ADARB2: variants seen among roughly 807,000 people sequenced by gnomAD.
The protein encoded by ADARB2 is adenosine deaminase RNA specific B2 (inactive), also known as inactive double-stranded RNA-specific editase B2.
Under a neutral mutation model 62.2 loss-of-function variants are expected in ADARB2, and 25 were observed. That is an observed-to-expected ratio of 0.40 (90% CI 0.29 to 0.56). ADARB2 has a LOEUF of 0.56. Ranked by LOEUF, ADARB2 falls within the 20% of genes least tolerant of loss-of-function variation. The pLI, the probability that ADARB2 is intolerant of heterozygous loss-of-function variation, is 0.43. For synonymous variants in ADARB2, 572 were observed against 500.8 expected (o/e 1.14, Z -1.90); for missense variants, 1,071 against 1,077.4 (o/e 0.99, Z 0.08).
At chr10:1,622,797 C>T (rs149134116) in intron 1 of ADARB2, among the ~76,000 whole-genome samples, 65 of 152,262 alleles carry the variant, frequency 4.3e-4, no homozygotes, top group African/African-American at 1.5e-3. Flanking sequence ...CATATACCCG[C>T]CATATAACAG....
chr10:1,339,802 G>A (rs1832006482), intron 3 of ADARB2, among the ~76,000 whole-genome samples: 1 of 152,186 alleles, frequency 6.6e-6, no homozygotes, highest in Non-Finnish European at 1.5e-5. Flanking sequence ...GTGACCAAGT[G>A]CAGACTTTCA....
At chr10:1,299,195 TG>T (rs1333203809) in intron 3 of ADARB2, among the ~76,000 whole-genome samples, 1 of 151,964 alleles carries the variant, frequency 6.6e-6, no homozygotes, top group Non-Finnish European at 1.5e-5. Context: ...CCAGCTAATC[TG>T]GGGAGTCACG....
intron 1 of ADARB2, among the ~76,000 whole-genome samples, chr10:1,439,203 C>T (rs1830870977): frequency 8.1e-6 from 1 of 123,690 alleles, no homozygotes; most frequent in Non-Finnish European, 1.6e-5. Flanking sequence ...GCAGGTTCTT[C>T]ACTATGGGAC....
chr10:1,293,205 AGGGAGGGAGGGAGAGAGGGACG>A lies in ADARB2; in HGVS notation c.1078-22158_1078-22137del, dbSNP rs1184573422. Among the ~76,000 whole-genome samples the A allele has an allele frequency of 8.9e-4, 27 of 30,498 alleles. 1 individual carries two copies. Among genetic ancestry groups the A allele is most frequent in the African/African-American group, 4.4e-3 (26 of 5,970 alleles). The allele number at this position is 30,498 out of a possible 152,430, so 20.0% of individuals were successfully genotyped here. A position where few individuals can be genotyped will look rare whatever the true frequency, so the allele number is the denominator to read the frequency against. Reference sequence around the variant, plus strand: ...AGAGAAAGACAGGAATAGAAAAAAGAGGGAGGGAGGGAGAGAGGGACGGGGAGGGAGAGAGGGACGGGGGGAG... The same window carrying A: ...AGAGAAAGACAGGAATAGAAAAAAGAGGGAGGGAGAGAGGGACGGGGGGAG... On this transcript the variant is annotated intron_variant, in intron 3 of 9. Coordinates refer to ENST00000381312, the MANE Select transcript of ADARB2 (RefSeq NM_018702.4).
chr10:1,222,692 T>C lies in ADARB2; in HGVS notation c.1514-5573A>G, dbSNP rs1296439085. 1.7e-4 allele frequency among the ~76,000 whole-genome samples: 25 copies of C among 149,742 alleles called. 3 individuals are homozygous for C. The highest frequency in any genetic ancestry group is 6.1e-4 in the African/African-American group (24 of 39,156). ...TAGGGAATCCTTTCCCCATTGCTTG[T>C]TTTTGTCAGGTTTGTCAAAGATCAG... On this transcript the variant is annotated intron_variant, in intron 6 of 9. Coordinates refer to ENST00000381312, the MANE Select transcript of ADARB2 (RefSeq NM_018702.4).
At chr10:1,281,641 C>T (rs1831372347) in intron 3 of ADARB2, among the ~76,000 whole-genome samples, 1 of 152,214 alleles carries the variant, frequency 6.6e-6, no homozygotes, top group Non-Finnish European at 1.5e-5. Context: ...GAGACTGTCA[C>T]CCCAGAGTGC....
chr10:1,679,777 T>C (rs1834511692), intron 1 of ADARB2, among the ~76,000 whole-genome samples: 1 of 152,178 alleles, frequency 6.6e-6, no homozygotes, highest in African/African-American at 2.4e-5. Flanking sequence ...TTCCAACGAC[T>C]GGATCGCTTG....
At chr10:1,427,773 A>C (rs546122616) in intron 1 of ADARB2, among the ~76,000 whole-genome samples, 4 of 152,342 alleles carry the variant, frequency 2.6e-5, no homozygotes, top group Non-Finnish European at 4.4e-5. Flanking sequence ...AAAACTGTAC[A>C]TGGATGTTTA....
intron 1 of ADARB2, among the ~76,000 whole-genome samples, chr10:1,678,778 C>A (rs929961619): frequency 6.6e-6 from 1 of 152,000 alleles, no homozygotes; most frequent in African/African-American, 2.4e-5. Flanking sequence ...TTCCACATCT[C>A]GGCTGTTCCA....
chr10:1,726,244 A>T (rs375411384), intron 1 of ADARB2, among the ~76,000 whole-genome samples: 1 of 152,226 alleles, frequency 6.6e-6, no homozygotes, highest in African/African-American at 2.4e-5. Flanking sequence ...CTTAGTGTGT[A>T]TGAGAGAAAA....
chr10:1,343,846 G>A (rs549684393), intron 3 of ADARB2, among the ~76,000 whole-genome samples: 2 of 152,152 alleles, frequency 1.3e-5, no homozygotes, highest in Non-Finnish European at 2.9e-5. Flanking sequence ...ACAAATGGGG[G>A]AGCAACAGAT....
intron 1 of ADARB2, among the ~76,000 whole-genome samples, chr10:1,480,321 A>G (rs758818429): frequency 3.3e-5 from 5 of 152,272 alleles, no homozygotes; most frequent in Non-Finnish European, 7.3e-5. Flanking sequence ...AAATGAATTC[A>G]ACAAAGTTGC....
At chr10:1,540,504 C>T (rs1832405447) in intron 1 of ADARB2, among the ~76,000 whole-genome samples, 1 of 111,314 alleles carries the variant, frequency 9.0e-6, no homozygotes, top group Non-Finnish European at 2.1e-5. Flanking sequence ...CCCTGGATCA[C>T]AGCCGCCCAG....
chr10:1,488,225 G>GA (rs71379134), intron 1 of ADARB2, among the ~76,000 whole-genome samples: 5,671 of 145,830 alleles, frequency 0.039, 310 homozygotes, highest in African/African-American at 0.12. Flanking sequence ...ATTTGGCAAA[G>GA]AAAAAAAAAA....
At chr10:1,354,069 C>G (rs1046822987) in intron 3 of ADARB2, among the ~76,000 whole-genome samples, 20 of 152,172 alleles carry the variant, frequency 1.3e-4, no homozygotes, top group Non-Finnish European at 2.4e-4. Flanking sequence ...ATCTCTCCCA[C>G]TCTAGGTTTC....
intron 1 of ADARB2, among the ~76,000 whole-genome samples, chr10:1,562,973 T>C (rs1035722325): frequency 5.9e-5 from 9 of 152,256 alleles, no homozygotes; most frequent in African/African-American, 2.2e-4. Context: ...AAAGAAGCAC[T>C]TCTCATGCTG....
At chr10:1,413,042 G>A (rs1446900759) in intron 1 of ADARB2, among the ~76,000 whole-genome samples, 1 of 152,202 alleles carries the variant, frequency 6.6e-6, no homozygotes, top group Admixed American at 6.5e-5. Flanking sequence ...ATTTGGGCAT[G>A]GCTGCTTCTC....
chr10:1,267,627 AAAAAG>A (rs1302002604), intron 4 of ADARB2, among the ~76,000 whole-genome samples: 2 of 152,214 alleles, frequency 1.3e-5, no homozygotes, highest in East Asian at 1.9e-4. Flanking sequence ...CAATAAGAGA[AAAAAG>A]AAGACATTCC....
At chr10:1,343,886 G>C (rs1369619265) in intron 3 of ADARB2, among the ~76,000 whole-genome samples, 1 of 152,222 alleles carries the variant, frequency 6.6e-6, no homozygotes, top group Admixed American at 6.5e-5. Context: ...TGAAGGGTGG[G>C]AGGAGGGTGA....
Sources: gnomAD v4.1 joint callset for allele counts (sites outside exome capture counted in the v4.1 genomes callset) on GRCh38, gnomAD v4.1.1 for gene constraint, MANE v1.5 for transcripts, NCBI Gene and HGNC (gene_info 2026-07-23, HGNC 2026-07-21) for gene names.